ULK4: variants seen among roughly 807,000 people sequenced by gnomAD.
ULK4 encodes the protein inactive serine/threonine-protein kinase ULK4.
A neutral mutation model predicts 160.6 loss-of-function variants in ULK4; 133 were observed. The ratio of observed to expected loss-of-function variants is 0.83; its 90% CI spans 0.72 to 0.96. The LOEUF (loss-of-function observed/expected upper bound fraction) is 0.96. Among genes scored for constraint, ULK4 ranks in the 40% least tolerant of loss-of-function variants. ULK4 has a pLI of 0.00. For missense variants in ULK4, 1,580 were observed against 1,499.5 expected (o/e 1.05, Z -0.89); for synonymous variants, 534 against 539.8 (o/e 0.99, Z 0.15).
At chr3:41,721,287 G>GT (rs1559507507) in intron 22 of ULK4, among the ~76,000 whole-genome samples, 6 of 68,838 alleles carry the variant, frequency 8.7e-5, no homozygotes, top group African/African-American at 3.4e-4. Context: ...TTTTTTTTGG[G>GT]TTTTGAACCA....
At chr3:41,926,342 G>A (rs1385549354) in intron 5 of ULK4, among the ~76,000 whole-genome samples, 1 of 152,112 alleles carries the variant, frequency 6.6e-6, no homozygotes, top group Non-Finnish European at 1.5e-5. Context: ...CCCATCCGAA[G>A]GTCACCAACA....
chr3:41,300,837 T>TATATATATATA lies in ULK4; in HGVS notation c.3679-51264_3679-51263insTATATATATAT, dbSNP rs1553640531. ...GATTAAATTTTGATCATTTTACAGA[T>TATATATATATA]TATATATATATATATATATATATAT... On this transcript the variant is annotated intron_variant, in intron 35 of 36. Coordinates refer to ENST00000301831, the MANE Select transcript of ULK4 (RefSeq NM_017886.4). Among the ~76,000 whole-genome samples, 28 of 57,874 alleles carry TATATATATATA rather than the reference T, an allele frequency of 4.8e-4. 1 individual carries two copies. Among genetic ancestry groups the TATATATATATA allele is most frequent in the African/African-American group, 8.7e-4 (19 of 21,964 alleles). 38.0% of individuals were successfully genotyped at this position (57,874 alleles called of 152,430 possible). A position where few individuals can be genotyped will look rare whatever the true frequency, so the allele number is the denominator to read the frequency against.
At chr3:41,858,209 G>A (rs376276241) in intron 17 of ULK4, among the ~76,000 whole-genome samples, 20 of 139,544 alleles carry the variant, frequency 1.4e-4, no homozygotes, top group Middle Eastern at 3.6e-3. Flanking sequence ...GGAGTGCAGC[G>A]GTGTGATCTT....
chr3:41,844,043 TCCCTTAG>T (rs1192434970), intron 17 of ULK4, among the ~76,000 whole-genome samples: 2 of 152,130 alleles, frequency 1.3e-5, no homozygotes, highest in Non-Finnish European at 2.9e-5. Context: ...GTACTTACAA[TCCCTTAG>T]CTAGACATAA....
At position 41,249,431 on chromosome 3, in the gene ULK4, T is replaced by C. The variant is rs1023294339; in HGVS notation, c.3764+58A>G. ...TGAGTGGGAGGAGTGGAGAAAGGAA[T>C]GGCTGAGAGTGTGTGCTGATCTAGA... On this transcript the variant is annotated intron_variant, in intron 36 of 36. Transcript: ENST00000301831. 8 of 1,497,286 alleles carry C rather than the reference T, an allele frequency of 5.3e-6. No individual in the cohort carries two copies. In the African/African-American group the frequency reaches 9.7e-5, roughly 18 times the overall value. 92.8% of individuals were successfully genotyped at this position (1,497,286 alleles called of 1,614,324 possible).
intron 32 of ULK4, among the ~76,000 whole-genome samples, chr3:41,496,098 G>C (rs1420740481): frequency 6.6e-6 from 1 of 151,766 alleles, no homozygotes; most frequent in East Asian, 1.9e-4. Flanking sequence ...TATTAAATAA[G>C]AGAAAAAGAG....
At chr3:41,767,136 T>A (rs1055277763) in intron 21 of ULK4, among the ~76,000 whole-genome samples, 4 of 152,334 alleles carry the variant, frequency 2.6e-5, no homozygotes, top group African/African-American at 9.6e-5. Flanking sequence ...TGTAAATTAT[T>A]TTGTTTAGTG....
At chr3:41,840,542 G>T (rs2041883408) in intron 17 of ULK4, among the ~76,000 whole-genome samples, 1 of 152,228 alleles carries the variant, frequency 6.6e-6, no homozygotes, top group Non-Finnish European at 1.5e-5. Flanking sequence ...CACCTGACTG[G>T]TTTTTGTATT....
At chr3:41,781,023 A>T (rs2039822362) in intron 21 of ULK4, among the ~76,000 whole-genome samples, 1 of 150,300 alleles carries the variant, frequency 6.7e-6, no homozygotes, top group Non-Finnish European at 1.5e-5. Context: ...AGAGGCAGAA[A>T]GAGAGATTTA....
intron 35 of ULK4, among the ~76,000 whole-genome samples, chr3:41,285,755 A>G (rs897432881): frequency 6.6e-6 from 1 of 152,262 alleles, no homozygotes; most frequent in Non-Finnish European, 1.5e-5. Flanking sequence ...AAAACAAAAT[A>G]AAACAATGGC....
In ULK4 at chr3:41,246,816, T is replaced by C. The variant is rs2078651964; in HGVS notation, c.*113A>G. On this transcript the variant is annotated 3_prime_UTR_variant, in exon 37 of 37. Transcript: ENST00000301831. ...CAGGTTCTGGGTTAAGCTGACTTTA[T>C]TAGGTCCAAAGACAGCTGTGAGGGG... 8.5e-6 allele frequency: 11 copies of C among 1,296,576 alleles called. No individual in the cohort carries two copies. In the South Asian group the frequency reaches 9.7e-5, roughly 11 times the overall value. The allele number at this position is 1,296,576 out of a possible 1,614,324, so 80.3% of individuals were successfully genotyped here. A position where few individuals can be genotyped will look rare whatever the true frequency, so the allele number is the denominator to read the frequency against.
chr3:41,345,139 A>G (rs1239418497), intron 35 of ULK4, among the ~76,000 whole-genome samples: 3 of 152,192 alleles, frequency 2.0e-5, no homozygotes, highest in Non-Finnish European at 4.4e-5. Context: ...TGCTGATGAG[A>G]TTGCAGAGAA....
chr3:41,466,064 C>T (rs1349290690), intron 32 of ULK4, among the ~76,000 whole-genome samples: 1 of 152,104 alleles, frequency 6.6e-6, no homozygotes, highest in Non-Finnish European at 1.5e-5. Context: ...CAATTGATTT[C>T]AATCACTATT....
intron 35 of ULK4, among the ~76,000 whole-genome samples, chr3:41,299,933 GGAT>G (rs1210723671): frequency 6.6e-6 from 1 of 152,060 alleles, no homozygotes; most frequent in Non-Finnish European, 1.5e-5. Context: ...TCTATATTTT[GGAT>G]GATTTCTTTA....
intron 29 of ULK4, among the ~76,000 whole-genome samples, chr3:41,667,891 C>G (rs994843576): frequency 6.6e-6 from 1 of 152,176 alleles, no homozygotes; most frequent in Non-Finnish European, 1.5e-5. Context: ...GAGACAGTCC[C>G]CAACTCTTAA....
At chr3:41,323,096 C>T (rs553680525) in intron 35 of ULK4, among the ~76,000 whole-genome samples, 3 of 152,036 alleles carry the variant, frequency 2.0e-5, no homozygotes, top group Admixed American at 6.5e-5. Context: ...CACCACCATG[C>T]CCGGCTAATT....
At chr3:41,794,662 A>AAAAAAAAAAAAAAAAAAAAAC (rs1236192955) in intron 20 of ULK4, among the ~76,000 whole-genome samples, 1 of 89,362 alleles carries the variant, frequency 1.1e-5, no homozygotes, top group Non-Finnish European at 2.1e-5. Flanking sequence ...CTCTGTCTCA[A>AAAAAAAAAAAAAAAAAAAAAC]AAAAAAAAAA....
chr3:41,257,039 T>C (rs2078848726), intron 35 of ULK4, among the ~76,000 whole-genome samples: 1 of 152,086 alleles, frequency 6.6e-6, no homozygotes, highest in Non-Finnish European at 1.5e-5. Context: ...AAAGAACTCG[T>C]CAAATTCAAT....
chr3:41,484,091 C>T (rs1301431837), intron 32 of ULK4, among the ~76,000 whole-genome samples: 2 of 152,154 alleles, frequency 1.3e-5, no homozygotes, highest in African/African-American at 4.8e-5. Context: ...ATTTCTTTAA[C>T]CTAGTCTGTT....
Sources: gnomAD v4.1 joint callset for allele counts (sites outside exome capture counted in the v4.1 genomes callset) on GRCh38, gnomAD v4.1.1 for gene constraint, MANE v1.5 for transcripts, NCBI Gene and HGNC (gene_info 2026-07-23, HGNC 2026-07-21) for gene names.